The following PREX2 variants were observed in gnomAD, a reference collection of about 807,000 sequenced individuals.
The protein encoded by PREX2 is phosphatidylinositol-3,4,5-trisphosphate dependent Rac exchange factor 2.
Under a neutral mutation model 203.2 loss-of-function variants are expected in PREX2, and 107 were observed. That is an observed-to-expected ratio of 0.53 (90% CI 0.45 to 0.62). The LOEUF (loss-of-function observed/expected upper bound fraction) is 0.62. PREX2 is among the 20% of genes least tolerant of loss of function. The pLI is 0.00. For missense variants in PREX2, 1,777 were observed against 1,955.9 expected (o/e 0.91, Z 1.72); for synonymous variants, 672 against 663.6 (o/e 1.01, Z -0.19).
chr8:68,131,378 A>C (rs970397841), intron 31 of PREX2, among the ~76,000 whole-genome samples: 1 of 152,220 alleles, frequency 6.6e-6, no homozygotes, highest in Non-Finnish European at 1.5e-5. Flanking sequence ...TGCTGAAAAT[A>C]GGAAGGTGGC....
intron 1 of PREX2, among the ~76,000 whole-genome samples, chr8:67,980,950 C>T (rs981433895): frequency 3.3e-5 from 5 of 152,156 alleles, no homozygotes; most frequent in African/African-American, 9.7e-5. Flanking sequence ...AATACAACTG[C>T]GCGTGGCTTT....
In PREX2 at chr8:68,233,939, T is replaced by A. The variant is rs1256598371; in HGVS notation, c.*2561T>A. ...TGTTGTCATTAAATTATACATCTTG[T>A]ATTAAAAAACGGTGAATGGAAATAT... On this transcript the variant is annotated 3_prime_UTR_variant, in exon 40 of 40. Coordinates refer to ENST00000288368, the MANE Select transcript of PREX2 (RefSeq NM_024870.4). 1.3e-5 allele frequency: 2 copies of A among 152,164 alleles called. No individual in the cohort carries two copies. The highest frequency in any genetic ancestry group is 2.4e-5 in the African/African-American group (1 of 41,454). 9.4% of individuals were successfully genotyped at this position (152,164 alleles called of 1,614,324 possible).
chr8:68,107,061 G>A (rs576776807), intron 23 of PREX2, among the ~76,000 whole-genome samples: 1 of 152,048 alleles, frequency 6.6e-6, no homozygotes, highest in South Asian at 2.1e-4. Flanking sequence ...CATCTGCCGG[G>A]GGAGCTAGAA....
chr8:68,208,261 T>C (rs1230978829), intron 37 of PREX2, among the ~76,000 whole-genome samples: 1 of 152,218 alleles, frequency 6.6e-6, no homozygotes, highest in Non-Finnish European at 1.5e-5. Flanking sequence ...CACTGAACTG[T>C]ACACATGCAT....
chr8:68,222,668 CAT>C (rs1812977413), intron 38 of PREX2, among the ~76,000 whole-genome samples: 1 of 148,262 alleles, frequency 6.7e-6, no homozygotes. Flanking sequence ...CAGGATATTG[CAT>C]AGTCTCATAG....
chr8:67,956,701 G>T (rs1333076537), intron 1 of PREX2, among the ~76,000 whole-genome samples: 1 of 152,170 alleles, frequency 6.6e-6, no homozygotes, highest in Non-Finnish European at 1.5e-5. Flanking sequence ...ACTTCTGAGG[G>T]TGAAAGGGAG....
At chr8:68,103,129 G>A (rs1687069379) in intron 23 of PREX2, among the ~76,000 whole-genome samples, 1 of 152,044 alleles carries the variant, frequency 6.6e-6, no homozygotes, top group Admixed American at 6.6e-5. Flanking sequence ...AATATTACCT[G>A]CAGGAACTGG....
chr8:68,223,847 TA>T (rs1244836655), intron 38 of PREX2, among the ~76,000 whole-genome samples: 3 of 152,044 alleles, frequency 2.0e-5, no homozygotes, highest in African/African-American at 7.2e-5. Flanking sequence ...GTTAAGAAAA[TA>T]TTTTTTTGCT....
intron 12 of PREX2, 102 bp from the exon 13 acceptor site, chr8:68,069,733 A>G (rs1221833770): frequency 1.4e-5 from 8 of 577,146 alleles, no homozygotes; most frequent in Non-Finnish European, 2.2e-5. Flanking sequence ...TTTTGTGATG[A>G]TTCTAAAATA....
At chr8:68,168,740 A>G (rs1545065) in intron 35 of PREX2, among the ~76,000 whole-genome samples, 65,503 of 152,102 alleles carry the variant, frequency 0.43, 14,203 homozygotes, top group Non-Finnish European at 0.45. Flanking sequence ...ACGGGCCACA[A>G]GCCCACACTG....
At position 68,087,785 on chromosome 8, in the gene PREX2, T is replaced by C. The variant is rs1563538184; in HGVS notation, c.2089T>C (p.Ser697Pro). 7 of 1,613,714 alleles carry C rather than the reference T, an allele frequency of 4.3e-6. No individual in the cohort carries two copies. The highest frequency in any genetic ancestry group is 5.9e-6 in the Non-Finnish European group (7 of 1,179,640). ...LGFQIRGFGP[S>P]VVHAVGRGTV... is the part of the protein sequence containing the mutation. ...CTTCCAGATCCGGGGATTTGGCCCTTCTGTTGTGCATGCTGTAGGAAGAGG... is the reference window on the plus strand; with the variant it reads ...CTTCCAGATCCGGGGATTTGGCCCTCCTGTTGTGCATGCTGTAGGAAGAGG... The change falls in exon 19 of 40, where the codon TCT becomes CCT. Residue 697 changes from serine (S) to proline (P), a missense_variant. Transcript: ENST00000288368.
At chr8:68,023,856 A>T (rs918016791) in intron 4 of PREX2, among the ~76,000 whole-genome samples, 4 of 152,022 alleles carry the variant, frequency 2.6e-5, no homozygotes, top group Non-Finnish European at 5.9e-5. Flanking sequence ...TGTATTTGGT[A>T]AGTAGTTCTT....
intron 1 of PREX2, among the ~76,000 whole-genome samples, chr8:67,965,024 C>T (rs1233116143): frequency 2.0e-5 from 3 of 152,078 alleles, no homozygotes; most frequent in South Asian, 2.1e-4. Flanking sequence ...GGAGTAGGGA[C>T]GCAGAACTTG....
chr8:68,090,800 T>G, intron 20 of PREX2, 85 bp downstream of exon 20: 1 of 1,182,122 alleles, frequency 8.5e-7, no homozygotes. Context: ...GCCAGAGATA[T>G]TTGTGGTTTC....
chr8:68,093,421 A>C (rs1035027661), intron 20 of PREX2, among the ~76,000 whole-genome samples, 184 bp from the exon 21 acceptor site: 1 of 149,474 alleles, frequency 6.7e-6, no homozygotes. Context: ...AGAAAGAAAG[A>C]GTGTTTGTTA....
At chr8:68,181,597 G>T (rs944050447) in intron 35 of PREX2, among the ~76,000 whole-genome samples, 1 of 152,054 alleles carries the variant, frequency 6.6e-6, no homozygotes, top group African/African-American at 2.4e-5. Flanking sequence ...TAGTGAAAAG[G>T]GATGTATGTT....
chr8:68,220,125 G>A (rs1812926626), intron 38 of PREX2: 1 of 151,596 alleles, frequency 6.6e-6, no homozygotes, highest in Admixed American at 6.6e-5. Flanking sequence ...GAAACTTTTT[G>A]GCATGATTTA....
rs1563598848 is a variant in PREX2, at chr8:68,233,962, T to C, written c.*2584T>C. The C allele has an allele frequency of 2.0e-5, 3 of 152,190 alleles. No homozygotes were observed. The highest frequency in any genetic ancestry group is 4.4e-5 in the Non-Finnish European group (3 of 68,034). 9.4% of individuals were successfully genotyped at this position (152,190 alleles called of 1,614,324 possible). On this transcript the variant is annotated 3_prime_UTR_variant, in exon 40 of 40. Coordinates refer to ENST00000288368, the MANE Select transcript of PREX2 (RefSeq NM_024870.4). ...TGTATTAAAAAACGGTGAATGGAAA[T>C]ATGTAAATGCTTTAATTATATGAAA...
At chr8:68,151,559 G>A (rs1811435751) in intron 34 of PREX2, among the ~76,000 whole-genome samples, 1 of 151,826 alleles carries the variant, frequency 6.6e-6, no homozygotes, top group Admixed American at 6.6e-5. Flanking sequence ...CCTGGACCTG[G>A]GTATTCTACC....
Sources: gnomAD v4.1 joint callset for allele counts (sites outside exome capture counted in the v4.1 genomes callset) on GRCh38, gnomAD v4.1.1 for gene constraint, MANE v1.5 for transcripts, NCBI Gene and HGNC (gene_info 2026-07-23, HGNC 2026-07-21) for gene names.